The following SIRPA variants were observed in gnomAD, a reference collection of about 807,000 sequenced individuals.
The protein encoded by SIRPA is tyrosine-protein phosphatase non-receptor type substrate 1.
Under a neutral mutation model 50.3 loss-of-function variants are expected in SIRPA, and 9 were observed. That is an observed-to-expected ratio of 0.18 (90% CI 0.11 to 0.31). SIRPA has a LOEUF of 0.31. Ranked by LOEUF, SIRPA falls within the 10% of genes least tolerant of loss-of-function variation. The pLI is 1.00. For synonymous variants in SIRPA, 265 were observed against 284.1 expected (o/e 0.93, Z 0.68); for missense variants, 474 against 661.6 (o/e 0.72, Z 3.11).
chr20:1,902,233 C>G (rs1272893404), intron 1 of SIRPA, among the ~76,000 whole-genome samples: 2 of 152,038 alleles, frequency 1.3e-5, no homozygotes, highest in Admixed American at 1.3e-4. Flanking sequence ...TATCATTTCA[C>G]CCACCGATAC....
Position 1,927,611 on chromosome 20 carries a change from G to A in SIRPA, c.1202-264G>A, listed in dbSNP as rs543941165. Among the ~76,000 whole-genome samples the A allele has an allele frequency of 4.6e-5, 7 of 152,250 alleles. No homozygotes were observed. The highest frequency in any genetic ancestry group is 2.1e-4 in the South Asian group (1 of 4,826). ...CCCAGACAGAGGTAGGGCGGTTGTC[G>A]CCTCCCAGGCTGAAGGCTGCTTTTG... is the stretch of plus-strand genomic sequence containing the variant. On this transcript the variant is annotated intron_variant, in intron 5 of 7. Coordinates refer to ENST00000358771, the MANE Select transcript of SIRPA (RefSeq NM_001040023.2). The surrounding 1 kb of genome is among the most constrained non-coding windows in gnomAD (Gnocchi z 6.5).
rs11087259 is a variant in SIRPA at position 1,933,153 on chromosome 20, A to C, written c.1227-1562A>C. Among the ~76,000 whole-genome samples, 40,554 of 152,136 alleles carry C rather than the reference A, an allele frequency of 0.27. 5,749 individuals carry two copies. The highest frequency in any genetic ancestry group is 0.43 in the South Asian group (2,073 of 4,820). Reference sequence around the variant, plus strand: ...TCATTCCAAGTCACTGTTTTTGAGCACATGTGGTGAGGAAGCATGGCAGGC... The same window carrying C: ...TCATTCCAAGTCACTGTTTTTGAGCCCATGTGGTGAGGAAGCATGGCAGGC... On this transcript the variant is annotated intron_variant, in intron 6 of 7. Coordinates refer to ENST00000358771, the MANE Select transcript of SIRPA (RefSeq NM_001040023.2). The surrounding 1 kb of genome is among the most constrained non-coding windows in gnomAD (Gnocchi z 4.4).
chr20:1,919,607 G>A (rs1400728211), intron 2 of SIRPA, among the ~76,000 whole-genome samples: 1 of 152,032 alleles, frequency 6.6e-6, no homozygotes, highest in African/African-American at 2.4e-5. Context: ...CTAAATGACC[G>A]CCGGAATCCC....
chr20:1,914,671 C>T (rs66591681), intron 1 of SIRPA, among the ~76,000 whole-genome samples: 61,585 of 151,354 alleles, frequency 0.41, 12,799 homozygotes, highest in East Asian at 0.66. Flanking sequence ...CCTCCCTTCT[C>T]GGGGCCTGCA....
At chr20:1,906,672 G>A (rs1984568384) in intron 1 of SIRPA, among the ~76,000 whole-genome samples, 1 of 152,192 alleles carries the variant, frequency 6.6e-6, no homozygotes, top group African/African-American at 2.4e-5. Flanking sequence ...GGGGCTGTGG[G>A]AGGGTTTTGC....
At chr20:1,930,031 C>T (rs1204803240) in intron 6 of SIRPA, among the ~76,000 whole-genome samples, 1 of 152,166 alleles carries the variant, frequency 6.6e-6, no homozygotes, top group Non-Finnish European at 1.5e-5. Context: ...TTGCACACTG[C>T]CCTCACTGCT....
Position 1,903,067 on chromosome 20 carries a change from G to C in SIRPA, c.79+7541G>C, listed in dbSNP as rs578033553. 1.6e-3 allele frequency among the ~76,000 whole-genome samples: 245 copies of C among 151,760 alleles called. 1 individual carries two copies. The highest frequency in any genetic ancestry group is 5.8e-3 in the African/African-American group (239 of 41,342). On this transcript the variant is annotated intron_variant, in intron 1 of 7. Transcript: ENST00000358771. ...GAAAAGAAAATGGAGGAGTAGCCAC[G>C]GGGGATAGCAAGAGCCCTCCATGTG... is the stretch of plus-strand genomic sequence containing the variant.
chr20:1,895,385 G>C (rs1983727582), upstream of SIRPA: 1 of 1,007,176 alleles, frequency 9.9e-7, no homozygotes, highest in Non-Finnish European at 1.3e-6. Context: ...CCCCGCTCCA[G>C]CCTGCTCCCG....
rs58735842 is a variant in SIRPA at position 1,903,011 on chromosome 20, C to CAAAAAA, written c.79+7501_79+7506dup. On this transcript the variant is annotated intron_variant, in intron 1 of 7. Coordinates refer to ENST00000358771, the MANE Select transcript of SIRPA (RefSeq NM_001040023.2). ...TGGGTGACAGAGCAAGACTCTGTCT[C>CAAAAAA]AAAAAAAAAAAAAAAAAAAAAGAAA... Among the ~76,000 whole-genome samples, 438 of 90,716 alleles carry CAAAAAA rather than the reference C, an allele frequency of 4.8e-3. 14 individuals are homozygous for CAAAAAA. The highest frequency in any genetic ancestry group is 0.016 in the African/African-American group (389 of 23,620). 59.5% of individuals were successfully genotyped at this position (90,716 alleles called of 152,430 possible).
chr20:1,925,373 T>TA (rs1985919605), intron 5 of SIRPA, among the ~76,000 whole-genome samples: 1 of 152,214 alleles, frequency 6.6e-6, no homozygotes, highest in South Asian at 2.1e-4. Context: ...GGCACACAAG[T>TA]GCTCAATGTA....
rs7274469 is a variant in SIRPA at position 1,938,678 on chromosome 20, C to T, written c.*1110C>T. 11,836 of 152,798 alleles carry T rather than the reference C, an allele frequency of 0.077. 519 individuals are homozygous for T. The highest frequency in any genetic ancestry group is 0.16 in the Middle Eastern group (46 of 296). The allele number at this position is 152,798 out of a possible 1,614,324, so 9.5% of individuals were successfully genotyped here. A position where few individuals can be genotyped will look rare whatever the true frequency, so the allele number is the denominator to read the frequency against. ...CTTGGCCATGTTCTCAGCTGAGCCA[C>T]GCGGCTGGTAGTGCAGCCTTCTGTG... is the stretch of plus-strand genomic sequence containing the variant. On this transcript the variant is annotated 3_prime_UTR_variant, in exon 8 of 8. Transcript: ENST00000358771.
chr20:1,931,848 T>TG (rs1379095175), intron 6 of SIRPA, among the ~76,000 whole-genome samples: 1 of 152,212 alleles, frequency 6.6e-6, no homozygotes, highest in Admixed American at 6.5e-5. Context: ...GCTCCCTTAA[T>TG]GGGGCACTGA....
chr20:1,895,318 C>G (rs1220270304), upstream of SIRPA: 19 of 536,094 alleles, frequency 3.5e-5, no homozygotes, highest in Non-Finnish European at 4.9e-5. Flanking sequence ...GGCGCCCGTT[C>G]CGGAGTCGGG....
chr20:1,927,033 T>C lies in SIRPA; in HGVS notation c.1202-842T>C, dbSNP rs2122144009. Among the ~76,000 whole-genome samples the C allele has an allele frequency of 6.6e-6, 1 of 152,328 alleles. No individual in the cohort carries two copies. The highest frequency in any genetic ancestry group is 1.5e-5 in the Non-Finnish European group (1 of 68,028). On this transcript the variant is annotated intron_variant, in intron 5 of 7. Transcript: ENST00000358771. This position sits in a 1 kb window ranked among gnomAD's most constrained non-coding sequence, Gnocchi z 6.5. ...TCCAGCACTTTGCAACCTGTCAGCC[T>C]CCACTCAGACTTTCGGTGCTGAGCA...
rs17855610 is a variant in SIRPA, at chr20:1,915,174, C to G, written c.155C>G (p.Thr52Ser). ...TTGGTTGCAGCTGGAGAGACAGCCACTCTGCGCTGCACTGCGACCTCTCTG... is the reference window on the plus strand; with the variant it reads ...TTGGTTGCAGCTGGAGAGACAGCCAGTCTGCGCTGCACTGCGACCTCTCTG... The part of the protein sequence containing the change: ...SVLVAAGETA[T>S]LRCTATSLIP... The change falls in exon 2 of 8, where the codon ACT becomes AGT. Residue 52 changes from threonine to serine, a missense_variant. By Grantham distance (58) the Thr-to-Ser change is moderately conservative (BLOSUM62 1). Around this residue, in one of 4 missense-constraint regions of SIRPA, gnomAD observed 72 missense variants for 76.2 expected, o/e 0.94. Coordinates refer to ENST00000358771, the MANE Select transcript of SIRPA (RefSeq NM_001040023.2). 2 of 1,409,942 alleles carry G rather than the reference C, an allele frequency of 1.4e-6. No individual in the cohort carries two copies. Among genetic ancestry groups the G allele is most frequent in the East Asian group, 2.5e-5 (1 of 40,454 alleles). The allele number at this position is 1,409,942 out of a possible 1,614,324, so 87.3% of individuals were successfully genotyped here.
At position 1,922,617 on chromosome 20, in the gene SIRPA, G is replaced by A. The variant is rs192696489; in HGVS notation, c.1059G>A (p.Pro353=). ...KSHDLKVSAH[P]KEQGSNTAAE... is the part of the protein sequence containing the mutation. ...ATGACCTGAAGGTCTCAGCCCACCC[G>A]AAGGAGCAGGGCTCAAATACCGCCG... Residue 353 remains proline, a synonymous_variant, in exon 4 of 8, where the codon CCG becomes CCA. Transcript: ENST00000358771. 3.9e-4 allele frequency: 622 copies of A among 1,613,126 alleles called. 1 individual carries two copies. Among genetic ancestry groups the A allele is most frequent in the Admixed American group, 2.7e-3 (160 of 59,840 alleles).
chr20:1,934,916 T>C lies in SIRPA; in HGVS notation c.1266+162T>C, dbSNP rs1986490794. The C allele has an allele frequency of 2.6e-6, 2 of 762,864 alleles. No individual in the cohort carries two copies. The highest frequency in any genetic ancestry group is 4.3e-6 in the Non-Finnish European group (2 of 463,444). 47.3% of individuals were successfully genotyped at this position (762,864 alleles called of 1,614,324 possible). ...CCCCATGTCCTGTGCATATTCCTTC[T>C]CTCTACTGCAGCCAAGAGTGGCTGT... On this transcript the variant is annotated intron_variant, in intron 7 of 7. Coordinates refer to ENST00000358771, the MANE Select transcript of SIRPA (RefSeq NM_001040023.2). The surrounding 1 kb of genome is among the most constrained non-coding windows in gnomAD (Gnocchi z 4.6).
chr20:1,924,917 T>C lies in SIRPA; in HGVS notation c.1201+40T>C. The C allele has an allele frequency of 6.5e-7, 1 of 1,532,280 alleles. No individual in the cohort carries two copies. The highest frequency in any genetic ancestry group is 9.0e-7 in the Non-Finnish European group (1 of 1,106,084). 94.9% of individuals were successfully genotyped at this position (1,532,280 alleles called of 1,614,324 possible). A position where few individuals can be genotyped will look rare whatever the true frequency, so the allele number is the denominator to read the frequency against. On this transcript the variant is annotated intron_variant, in intron 5 of 7. Transcript: ENST00000358771. This position sits in a 1 kb window ranked among gnomAD's most constrained non-coding sequence, Gnocchi z 4.5. Reference sequence around the variant, plus strand: ...CTCTTCCTCCCTAAGGGTTTGTCCCTGGACTGTCCTCGGAGGGAGACGCCA... The same window carrying C: ...CTCTTCCTCCCTAAGGGTTTGTCCCCGGACTGTCCTCGGAGGGAGACGCCA...
intron 2 of SIRPA, among the ~76,000 whole-genome samples, chr20:1,917,472 G>A (rs115545308): frequency 0.013 from 1,913 of 152,178 alleles, 37 homozygotes; most frequent in African/African-American, 0.043. Flanking sequence ...CCCAGGAGAC[G>A]GAGATTACAG....
Sources: gnomAD v4.1 joint callset for allele counts (sites outside exome capture counted in the v4.1 genomes callset) on GRCh38, gnomAD v4.1.1 for gene constraint, gnomAD v4.1.1 regional missense constraint, Gnocchi (gnomAD v3.1) non-coding constraint, MANE v1.5 for transcripts, NCBI Gene and HGNC (gene_info 2026-07-23, HGNC 2026-07-21) for gene names.